SPEF2: variants seen among roughly 807,000 people sequenced by gnomAD.
SPEF2 encodes the protein sperm flagella and cilia-associated protein 2.
A neutral mutation model predicts 224.6 loss-of-function variants in SPEF2; 187 were observed. The ratio of observed to expected loss-of-function variants is 0.83; its 90% CI spans 0.74 to 0.94. The LOEUF is 0.94. Among genes scored for constraint, SPEF2 ranks in the 40% least tolerant of loss-of-function variants. The pLI is 0.00. For synonymous variants in SPEF2, 715 were observed against 707.3 expected, an observed-to-expected ratio of 1.01 and a Z score of -0.17; for missense variants, 2,170 against 2,135.6, an observed-to-expected ratio of 1.02 and a Z score of -0.32.
intron 21 of SPEF2, among the ~76,000 whole-genome samples, chr5:35,735,357 G>C (rs1746401650): frequency 6.6e-6 from 1 of 152,204 alleles, no homozygotes; most frequent in South Asian, 2.1e-4. Flanking sequence ...TCAAATATCT[G>C]ACAGGCTGCC....
intron 9 of SPEF2, among the ~76,000 whole-genome samples, chr5:35,668,803 A>T (rs1327938559): frequency 1.3e-5 from 2 of 152,074 alleles, no homozygotes; most frequent in Non-Finnish European, 2.9e-5. Context: ...AGTTTTTTTC[A>T]AAATATGTGG....
intron 23 of SPEF2, among the ~76,000 whole-genome samples, chr5:35,744,871 T>C (rs2149703517): frequency 6.6e-6 from 1 of 152,124 alleles, no homozygotes; most frequent in Admixed American, 6.5e-5. Context: ...TAGCTCCAGA[T>C]CAACTGCAAG....
chr5:35,641,482 C>A lies in SPEF2; in HGVS notation c.213C>A (p.Asn71Lys), dbSNP rs1345202439. Residue 71 changes from asparagine (N) to lysine (K), a missense_variant, in exon 3 of 37, where the codon AAC (asparagine) becomes AAA (lysine). Transcript: ENST00000356031. The stretch of plus-strand genomic sequence containing the variant: ...TTTCTCGCTTGGAGCCAACACTTAA[C>A]CTTCTGGGTGTGCAGTTTGATCAGA... ...NNFSRLEPTL[N>K]LLGVQFDQNV... 1 of 1,613,812 alleles carries A rather than the reference C, an allele frequency of 6.2e-7. No homozygotes were observed. Among genetic ancestry groups the A allele is most frequent in the African/African-American group, 1.3e-5 (1 of 75,016 alleles).
chr5:35,766,622 AT>A lies in SPEF2; in HGVS notation c.3801+2924del, dbSNP rs370135474. On this transcript the variant is annotated intron_variant, in intron 26 of 36. Transcript: ENST00000356031. ...GACTGACTTTTAACTTCATTCATTT[AT>A]TTTACTATGTGTCTTTTTTTCTTTT... Among the ~76,000 whole-genome samples, 323 of 151,502 alleles carry A rather than the reference AT, an allele frequency of 2.1e-3. 1 individual carries two copies. The highest frequency in any genetic ancestry group is 7.5e-3 in the African/African-American group (311 of 41,352).
intron 26 of SPEF2, among the ~76,000 whole-genome samples, chr5:35,766,060 A>G (rs1313424947): frequency 6.6e-6 from 1 of 152,094 alleles, no homozygotes; most frequent in Non-Finnish European, 1.5e-5. Context: ...TAGTCTTTGA[A>G]TGAGATAATG....
chr5:35,787,693 T>C (rs1271467610), intron 30 of SPEF2, among the ~76,000 whole-genome samples: 1 of 152,202 alleles, frequency 6.6e-6, no homozygotes, highest in African/African-American at 2.4e-5. Context: ...TAATGGTTTG[T>C]GAGGATTCTG....
At chr5:35,685,218 T>C (rs1753418730) in intron 10 of SPEF2, among the ~76,000 whole-genome samples, 1 of 152,150 alleles carries the variant, frequency 6.6e-6, no homozygotes, top group African/African-American at 2.4e-5. Flanking sequence ...TACACTAAAA[T>C]TTATGTATAA....
chr5:35,739,384 A>G (rs1747190998), intron 21 of SPEF2, among the ~76,000 whole-genome samples: 2 of 152,084 alleles, frequency 1.3e-5, no homozygotes, highest in South Asian at 4.1e-4. Context: ...TTTCTGGAAT[A>G]AACAGTTATT....
intron 20 of SPEF2, among the ~76,000 whole-genome samples, chr5:35,716,553 A>G (rs1742619899): frequency 6.6e-6 from 1 of 152,178 alleles, no homozygotes; most frequent in South Asian, 2.1e-4. Context: ...AGCAAAATAT[A>G]TACATTGGAG....
chr5:35,754,934 A>G (rs1001209456), intron 24 of SPEF2, among the ~76,000 whole-genome samples: 1 of 152,270 alleles, frequency 6.6e-6, no homozygotes. Flanking sequence ...ATGTCTTTTC[A>G]TCAAAGGACC....
chr5:35,811,067 A>G (rs910870718), intron 36 of SPEF2, among the ~76,000 whole-genome samples: 15 of 146,842 alleles, frequency 1.0e-4, no homozygotes, highest in Non-Finnish European at 2.1e-4. Context: ...CTTTCCAGTA[A>G]GGTGTTCTAT....
At chr5:35,746,634 A>G (rs1748576014) in intron 23 of SPEF2, among the ~76,000 whole-genome samples, 1 of 152,110 alleles carries the variant, frequency 6.6e-6, no homozygotes, top group African/African-American at 2.4e-5. Context: ...AAAAAAGAAA[A>G]AGAAAATATG....
intron 6 of SPEF2, among the ~76,000 whole-genome samples, chr5:35,649,881 G>A (rs1489953385): frequency 6.6e-6 from 1 of 152,128 alleles, no homozygotes; most frequent in African/African-American, 2.4e-5. Context: ...CACTTTGGTG[G>A]GTCCATTGAA....
chr5:35,665,053 C>T (rs924654140), intron 8 of SPEF2, among the ~76,000 whole-genome samples: 2 of 152,008 alleles, frequency 1.3e-5, no homozygotes, highest in East Asian at 1.9e-4. Context: ...GTTTTTTGAG[C>T]TTTACTTTGA....
intron 26 of SPEF2, among the ~76,000 whole-genome samples, chr5:35,766,259 A>G (rs1752076441): frequency 6.6e-6 from 1 of 152,108 alleles, no homozygotes; most frequent in African/African-American, 2.4e-5. Context: ...ATCTAGAACT[A>G]AAGTTTTATA....
Position 35,784,921 on chromosome 5 carries a change from T to C in SPEF2, c.4447+5575T>C, listed in dbSNP as rs140745206. Among the ~76,000 whole-genome samples the C allele has an allele frequency of 8.7e-4, 132 of 152,258 alleles. 1 individual carries two copies. The East Asian group carries it at 0.025, about 29-fold the overall frequency. ...GCCTCAGAGAACCCAGAGGCAGGAA[T>C]AAGGGCACCTGAGTGGTTGGTTGCC... On this transcript the variant is annotated intron_variant, in intron 30 of 36. Transcript: ENST00000356031.
chr5:35,634,784 T>G (rs922019683), intron 2 of SPEF2, among the ~76,000 whole-genome samples: 3 of 152,118 alleles, frequency 2.0e-5, no homozygotes, highest in African/African-American at 7.2e-5. Flanking sequence ...TCGTACCTAT[T>G]GCTAGCATCT....
intron 33 of SPEF2, among the ~76,000 whole-genome samples, 185 bp from the exon 34 acceptor site, chr5:35,799,783 C>T (rs977896181): frequency 6.6e-6 from 1 of 152,060 alleles, no homozygotes; most frequent in African/African-American, 2.4e-5. Context: ...TTTCAGGGCC[C>T]CACTTTTACT....
chr5:35,683,221 G>A (rs1360674954), intron 10 of SPEF2, among the ~76,000 whole-genome samples: 2 of 152,284 alleles, frequency 1.3e-5, no homozygotes, highest in Admixed American at 6.5e-5. Flanking sequence ...CAGCAGAGTG[G>A]TAGGCCCACG....
Sources: gnomAD v4.1 joint callset for allele counts (sites outside exome capture counted in the v4.1 genomes callset) on GRCh38, gnomAD v4.1.1 for gene constraint, MANE v1.5 for transcripts, NCBI Gene and HGNC (gene_info 2026-07-23, HGNC 2026-07-21) for gene names.